ARHGAP29: variants seen among roughly 807,000 people sequenced by gnomAD.
ARHGAP29 encodes Rho GTPase activating protein 29.
In ARHGAP29, 43 loss-of-function variants were observed where a neutral mutation model predicts 122.6. The observed-to-expected ratio is 0.35, with a 90% confidence interval of 0.27 to 0.45. The LOEUF is 0.45. Among genes scored for constraint, ARHGAP29 ranks in the 20% least tolerant of loss-of-function variants. The pLI is 1.00. For synonymous variants in ARHGAP29, 506 were observed against 497.1 expected (o/e 1.02, Z -0.24); for missense variants, 1,303 against 1,477.2 (o/e 0.88, Z 1.93).
chr1:94,205,158 C>T lies in ARHGAP29; in HGVS notation c.600G>A (p.Lys200=), dbSNP rs753996425. ...AAGCCAGCTCGATAGAGTCAGTGTT[C>T]TTTAACAGCACGTTGTCTAGTTCTA... ...SPLELDNVLL[K]NTDSIELALS... Residue 200 remains lysine, a synonymous_variant, in exon 7 of 23, where the codon AAG becomes AAA. Coordinates refer to ENST00000260526, the MANE Select transcript of ARHGAP29 (RefSeq NM_004815.4). 7 of 1,606,216 alleles carry T rather than the reference C, an allele frequency of 4.4e-6. No homozygotes were observed. The Admixed American group carries it at 1.2e-4, about 28-fold the overall frequency.
chr1:94,214,127 T>TACACATTA, intron 3 of ARHGAP29, among the ~76,000 whole-genome samples: 1 of 152,212 alleles, frequency 6.6e-6, no homozygotes, highest in Non-Finnish European at 1.5e-5. Context: ...CTACTTTGTG[T>TACACATTA]GTTAGTCTGG....
the ARHGAP29 span, among the ~76,000 whole-genome samples, chr1:94,281,832 G>A: frequency 6.6e-6 from 1 of 152,086 alleles, no homozygotes. Flanking sequence ...GCATTGCTGG[G>A]GAATATTTTT....
chr1:94,304,899 G>T, the ARHGAP29 span, among the ~76,000 whole-genome samples: 1 of 152,204 alleles, frequency 6.6e-6, no homozygotes, highest in Non-Finnish European at 1.5e-5. Context: ...GATTGAGCCT[G>T]GTTAAAAAAG....
At chr1:94,184,363 C>T (rs2101390604) in intron 18 of ARHGAP29, 75 bp from the exon 19 acceptor site, 2 of 1,078,616 alleles carry the variant, frequency 1.9e-6, no homozygotes, top group East Asian at 2.6e-5. Flanking sequence ...TCTACATATA[C>T]TTGATTTTCA....
intron 1 of ARHGAP29, among the ~76,000 whole-genome samples, chr1:94,246,574 C>CA (rs1027464150): frequency 3.5e-4 from 53 of 151,496 alleles, no homozygotes; most frequent in East Asian, 5.8e-4. Context: ...GTCAAAGATC[C>CA]AAAAAAAACA....
At chr1:94,301,027 A>G in the ARHGAP29 span, among the ~76,000 whole-genome samples, 1 of 152,196 alleles carries the variant, frequency 6.6e-6, no homozygotes, top group African/African-American at 2.4e-5. Flanking sequence ...TTACCTTTGG[A>G]AGCTAACTAG....
the ARHGAP29 span, among the ~76,000 whole-genome samples, chr1:94,297,571 T>A: frequency 1.3e-5 from 2 of 152,200 alleles, no homozygotes; most frequent in Non-Finnish European, 2.9e-5. Flanking sequence ...GTGCCCAGAT[T>A]TTCTTTGGGG....
At chr1:94,215,104 G>GAA (rs199693229) in intron 3 of ARHGAP29, among the ~76,000 whole-genome samples, 184 of 83,672 alleles carry the variant, frequency 2.2e-3, no homozygotes, top group South Asian at 5.4e-3. Context: ...GCATGAAAAG[G>GAA]AAAAAAAAAA....
At chr1:94,298,118 C>T in the ARHGAP29 span, among the ~76,000 whole-genome samples, 19 of 152,100 alleles carry the variant, frequency 1.2e-4, no homozygotes, top group Admixed American at 1.3e-4. Context: ...AAATACTTGT[C>T]GTTCTTGTAG....
the ARHGAP29 span, among the ~76,000 whole-genome samples, chr1:94,308,319 C>T: frequency 6.6e-6 from 1 of 152,040 alleles, no homozygotes; most frequent in Admixed American, 6.6e-5. Context: ...CTCAATTTAC[C>T]CCCCTTCCCC....
At chr1:94,210,989 CAA>C (rs890480320) in intron 3 of ARHGAP29, among the ~76,000 whole-genome samples, 3 of 150,430 alleles carry the variant, frequency 2.0e-5, no homozygotes, top group African/African-American at 7.3e-5. Flanking sequence ...GTTGATTCAT[CAA>C]AAGGACATAA....
At chr1:94,205,265 G>C in intron 6 of ARHGAP29, 67 bp from the exon 7 acceptor site, 2 of 1,256,656 alleles carry the variant, frequency 1.6e-6, no homozygotes, top group Non-Finnish European at 2.1e-6. Flanking sequence ...AAACAAAGAA[G>C]CACTGAGATC....
At chr1:94,234,796 G>A (rs1653146476) in intron 1 of ARHGAP29, among the ~76,000 whole-genome samples, 1 of 152,040 alleles carries the variant, frequency 6.6e-6, no homozygotes, top group African/African-American at 2.4e-5. Flanking sequence ...CATCACTCTT[G>A]CAGTTTACTT....
intron 13 of ARHGAP29, 43 bp from the exon 14 acceptor site, chr1:94,189,395 A>G: frequency 6.4e-7 from 1 of 1,551,158 alleles, no homozygotes; most frequent in African/African-American, 1.4e-5. Flanking sequence ...CAACACTCCA[A>G]AGAATAATAA....
At chr1:94,311,881 T>A in the ARHGAP29 span, among the ~76,000 whole-genome samples, 1 of 152,190 alleles carries the variant, frequency 6.6e-6, no homozygotes, top group African/African-American at 2.4e-5. Context: ...GTAACTATGT[T>A]CTTCTCCAAG....
intron 2 of ARHGAP29, among the ~76,000 whole-genome samples, chr1:94,225,300 ACT>A (rs1311038789): frequency 6.6e-6 from 1 of 151,882 alleles, no homozygotes; most frequent in African/African-American, 2.4e-5. Context: ...CACATACAAA[ACT>A]CTTAGTTTCT....
chr1:94,285,438 G>A, the ARHGAP29 span, among the ~76,000 whole-genome samples: 6 of 152,146 alleles, frequency 3.9e-5, no homozygotes, highest in African/African-American at 1.4e-4. Context: ...GATAAGAGCT[G>A]TAATAAAGTT....
chr1:94,177,735 T>C lies in ARHGAP29; in HGVS notation c.2797-15A>G. On this transcript the variant is annotated splice_polypyrimidine_tract_variant and intron_variant, in intron 21 of 22. Transcript: ENST00000260526. ...GTATGGATATCCTGTTGATGCAAGA[T>C]AATTTTTAAAATGGAAGAAGTAAAA... The C allele has an allele frequency of 1.3e-6, 2 of 1,597,412 alleles. No homozygotes were observed. The highest frequency in any genetic ancestry group is 1.7e-6 in the Non-Finnish European group (2 of 1,172,006).
At chr1:94,242,244 G>C (rs1461702980), upstream of ARHGAP29, among the ~76,000 whole-genome samples, 1 of 152,070 alleles carries the variant, frequency 6.6e-6, no homozygotes, top group Admixed American at 6.6e-5. Context: ...AGAGTAGAGA[G>C]ACCTACTGAA....
Sources: gnomAD v4.1 joint callset for allele counts (sites outside exome capture counted in the v4.1 genomes callset) on GRCh38, gnomAD v4.1.1 for gene constraint, MANE v1.5 for transcripts, NCBI Gene and HGNC (gene_info 2026-07-23, HGNC 2026-07-21) for gene names.